The following CFAP299 variants were observed in gnomAD, a reference collection of about 807,000 sequenced individuals.
The protein encoded by CFAP299 is cilia- and flagella-associated protein 299.
CFAP299 carries 21 observed loss-of-function variants against 27.0 expected under a neutral mutation model. The observed-to-expected ratio is 0.78, with a 90% CI of 0.55 to 1.12. The LOEUF (loss-of-function observed/expected upper bound fraction) is 1.12, where lower values mean the gene tolerates loss of function less well. Among genes scored for constraint, CFAP299 ranks in the 50% most tolerant of loss-of-function variants. The probability of loss-of-function intolerance (pLI) is 0.00; values close to 1 mark genes in which losing one functional copy is unlikely to be tolerated. For synonymous variants in CFAP299, 104 were observed against 98.1 expected, an observed-to-expected ratio of 1.06 and a Z score of -0.36; for missense variants, 310 against 276.6, an observed-to-expected ratio of 1.12 and a Z score of -0.86.
chr4:80,616,162 C>T (rs2109924525), intron 3 of CFAP299, among the ~76,000 whole-genome samples: 1 of 152,246 alleles, frequency 6.6e-6, no homozygotes, highest in Admixed American at 6.5e-5. Context: ...CCCAACTCAA[C>T]TGTAAAGTTT....
rs1464110128 is a variant in CFAP299, at chr4:80,627,465, A to G, written c.333+44282A>G. Among the ~76,000 whole-genome samples, 5 of 152,028 alleles carry G rather than the reference A, an allele frequency of 3.3e-5. No homozygotes were observed. In the South Asian group the frequency reaches 6.2e-4, roughly 19 times the overall value. ...TGTCCATGTTAACCACTTCCATTCA[A>G]TATAGTATTGGATGTGCTAGCCAGA... On this transcript the variant is annotated intron_variant, in intron 3 of 5. Coordinates refer to ENST00000358105, the MANE Select transcript of CFAP299 (RefSeq NM_152770.3).
intron 3 of CFAP299, among the ~76,000 whole-genome samples, chr4:80,744,077 A>G (rs1357797126): frequency 1.3e-5 from 2 of 152,198 alleles, no homozygotes; most frequent in Admixed American, 6.5e-5. Flanking sequence ...TTAAAAGTAT[A>G]TAACATTACT....
At chr4:80,453,965 A>C (rs1412355813) in intron 2 of CFAP299, among the ~76,000 whole-genome samples, 1 of 151,934 alleles carries the variant, frequency 6.6e-6, no homozygotes, top group African/African-American at 2.4e-5. Flanking sequence ...TAAAGGTCTG[A>C]GAAAATTATT....
intron 2 of CFAP299, among the ~76,000 whole-genome samples, chr4:80,519,176 ATATGTG>A (rs1282808165): frequency 6.6e-5 from 8 of 121,870 alleles, no homozygotes; most frequent in African/African-American, 1.5e-4. Context: ...TACTCTGTTA[ATATGTG>A]TGTGTGTGTG....
chr4:80,483,216 C>T (rs1033541312), intron 2 of CFAP299, among the ~76,000 whole-genome samples: 6 of 152,166 alleles, frequency 3.9e-5, no homozygotes, highest in Non-Finnish European at 8.8e-5. Flanking sequence ...GAGCCACATG[C>T]CACGGAATGC....
intron 3 of CFAP299, among the ~76,000 whole-genome samples, chr4:80,859,495 C>T (rs1732168306): frequency 6.6e-6 from 1 of 151,972 alleles, no homozygotes; most frequent in South Asian, 2.1e-4. Flanking sequence ...GATTCAGTTT[C>T]TTCCTAGTCT....
At chr4:80,726,533 A>G (rs1278350593) in intron 3 of CFAP299, among the ~76,000 whole-genome samples, 1 of 152,214 alleles carries the variant, frequency 6.6e-6, no homozygotes, top group Non-Finnish European at 1.5e-5. Flanking sequence ...CTATCAAATA[A>G]TGGTTAATAA....
intron 2 of CFAP299, among the ~76,000 whole-genome samples, chr4:80,411,105 C>T (rs1226571452): frequency 6.6e-6 from 1 of 152,048 alleles, no homozygotes; most frequent in African/African-American, 2.4e-5. Flanking sequence ...TATTTATTTC[C>T]TTTGGCTATT....
At chr4:80,369,183 C>T (rs1724006876) in intron 2 of CFAP299, among the ~76,000 whole-genome samples, 1 of 152,218 alleles carries the variant, frequency 6.6e-6, no homozygotes, top group Admixed American at 6.5e-5. Context: ...GCTGTCAGCT[C>T]ATGAAGCTCC....
intron 3 of CFAP299, among the ~76,000 whole-genome samples, chr4:80,775,406 A>G (rs1479194923): frequency 1.3e-5 from 2 of 152,032 alleles, no homozygotes; most frequent in African/African-American, 4.8e-5. Context: ...CATAATGTAT[A>G]TTTAATTTAT....
chr4:80,450,280 A>G (rs1377588788), intron 2 of CFAP299, among the ~76,000 whole-genome samples: 1 of 152,206 alleles, frequency 6.6e-6, no homozygotes, highest in East Asian at 1.9e-4. Flanking sequence ...TTCAAAAAGT[A>G]CTATTAATAA....
chr4:80,452,529 A>G (rs755292528), intron 2 of CFAP299, among the ~76,000 whole-genome samples: 33 of 152,180 alleles, frequency 2.2e-4, no homozygotes, highest in Non-Finnish European at 4.6e-4. Flanking sequence ...CTATTTGGGT[A>G]AAGACTTACA....
Position 80,493,269 on chromosome 4 carries a change from C to T in CFAP299, c.243-89824C>T, listed in dbSNP as rs1002576401. Among the ~76,000 whole-genome samples the T allele has an allele frequency of 2.0e-5, 3 of 152,184 alleles. 1 individual carries two copies. The highest frequency in any genetic ancestry group is 1.3e-4 in the Admixed American group (2 of 15,270). On this transcript the variant is annotated intron_variant, in intron 2 of 5. Coordinates refer to ENST00000358105, the MANE Select transcript of CFAP299 (RefSeq NM_152770.3). ...TAATTATCAGCAAGGCAAGGTACTT[C>T]TGTAGAAGGGTGCACACTCACCGAT...
Position 80,782,586 on chromosome 4 carries a change from T to C in CFAP299, c.334-87407T>C, listed in dbSNP as rs11945355. ...ATAATATACATATATGAATATATAA[T>C]ATATTCATATATAATATACATATAT... is the stretch of plus-strand genomic sequence containing the variant. On this transcript the variant is annotated intron_variant, in intron 3 of 5. Coordinates refer to ENST00000358105, the MANE Select transcript of CFAP299 (RefSeq NM_152770.3). Among the ~76,000 whole-genome samples the C allele has an allele frequency of 5.0e-3, 646 of 129,732 alleles. 8 individuals are homozygous for C. Among genetic ancestry groups the C allele is most frequent in the African/African-American group, 0.015 (528 of 35,622 alleles). The allele number at this position is 129,732 out of a possible 152,430, so 85.1% of individuals were successfully genotyped here.
At chr4:80,519,002 G>A (rs1446420407) in intron 2 of CFAP299, among the ~76,000 whole-genome samples, 5 of 152,028 alleles carry the variant, frequency 3.3e-5, no homozygotes, top group Admixed American at 3.3e-4. Context: ...GTGGGCTGGA[G>A]TACTAGATCA....
chr4:80,356,140 G>T (rs1186406253), intron 1 of CFAP299, among the ~76,000 whole-genome samples: 2 of 151,516 alleles, frequency 1.3e-5, no homozygotes, highest in African/African-American at 4.8e-5. Flanking sequence ...TCAAAGATTA[G>T]ATGGTTGTAG....
At chr4:80,485,966 A>G (rs780475091) in intron 2 of CFAP299, among the ~76,000 whole-genome samples, 7 of 151,914 alleles carry the variant, frequency 4.6e-5, no homozygotes, top group Admixed American at 2.6e-4. Flanking sequence ...TTTATTATAT[A>G]TTTATTTTTT....
intron 3 of CFAP299, among the ~76,000 whole-genome samples, chr4:80,719,785 G>C (rs1284470195): frequency 6.6e-6 from 1 of 152,048 alleles, no homozygotes; most frequent in Non-Finnish European, 1.5e-5. Flanking sequence ...ATCTTGTCCA[G>C]CCTACCATCA....
At chr4:80,625,976 C>A (rs1738874324) in intron 3 of CFAP299, among the ~76,000 whole-genome samples, 1 of 151,874 alleles carries the variant, frequency 6.6e-6, no homozygotes, top group African/African-American at 2.4e-5. Flanking sequence ...ATGGGCAGAT[C>A]ATTCACACAG....
Sources: gnomAD v4.1 joint callset for allele counts (sites outside exome capture counted in the v4.1 genomes callset) on GRCh38, gnomAD v4.1.1 for gene constraint, MANE v1.5 for transcripts, NCBI Gene and HGNC (gene_info 2026-07-23, HGNC 2026-07-21) for gene names.